EPHB2: variants seen among roughly 807,000 people sequenced by gnomAD.
The protein encoded by EPHB2 is ephrin type-B receptor 2.
EPHB2 carries 18 observed loss-of-function variants against 96.4 expected under a neutral mutation model. The ratio of observed to expected loss-of-function variants is 0.19; its 90% CI spans 0.13 to 0.28. EPHB2 has a LOEUF of 0.28. EPHB2 is among the 10% of genes least tolerant of loss of function. The pLI is 1.00. For synonymous variants in EPHB2, 506 were observed against 534.1 expected, an observed-to-expected ratio of 0.95 and a Z score of 0.72; for missense variants, 989 against 1,355.4, an observed-to-expected ratio of 0.73 and a Z score of 4.25.
At chr1:22,778,608 G>T (rs931227079) in intron 1 of EPHB2, among the ~76,000 whole-genome samples, 1 of 152,182 alleles carries the variant, frequency 6.6e-6, no homozygotes, top group African/African-American at 2.4e-5. Context: ...AGGAGATGCC[G>T]GCCCTCTACC....
At chr1:22,885,685 AT>A (rs1285829443) in intron 6 of EPHB2, among the ~76,000 whole-genome samples, 2 of 152,062 alleles carry the variant, frequency 1.3e-5, no homozygotes, top group Admixed American at 6.5e-5. Flanking sequence ...TGCCTCCCAG[AT>A]TTTTTTCCCC....
Position 22,893,042 on chromosome 1 carries a change from A to G in EPHB2, c.1587A>G (p.Thr529=). The G allele has an allele frequency of 6.2e-7, 1 of 1,614,234 alleles. No homozygotes were observed. The highest frequency in any genetic ancestry group is 8.5e-7 in the Non-Finnish European group (1 of 1,180,048). The change falls in exon 7 of 16, where the codon ACA becomes ACG. Residue 529 remains threonine (T), a synonymous_variant. Transcript: ENST00000374630. Reference sequence around the variant, plus strand: ...GCAAGATGTACTTCCAGACCATGACAGAAGGTGAGCAGAGTCCAGCGGGCA... The same window carrying G: ...GCAAGATGTACTTCCAGACCATGACGGAAGGTGAGCAGAGTCCAGCGGGCA... ...YSGKMYFQTM[T]EAEYQTSIQE...
chr1:22,822,922 G>C (rs1008624796), intron 3 of EPHB2, among the ~76,000 whole-genome samples: 6 of 152,242 alleles, frequency 3.9e-5, no homozygotes, highest in African/African-American at 1.4e-4. Context: ...CCTCTGCGTG[G>C]CAGAGAACAG....
intron 1 of EPHB2, among the ~76,000 whole-genome samples, chr1:22,726,975 G>C (rs553971056): frequency 6.6e-6 from 1 of 152,200 alleles, no homozygotes; most frequent in Non-Finnish European, 1.5e-5. Flanking sequence ...AGGCTGGAAA[G>C]GGGTAGGTTT....
chr1:22,793,662 G>A (rs1644727997), intron 3 of EPHB2, among the ~76,000 whole-genome samples: 1 of 152,112 alleles, frequency 6.6e-6, no homozygotes, highest in Non-Finnish European at 1.5e-5. Context: ...CAGGCTGAGG[G>A]TAGTCCTGAG....
chr1:22,894,596 CCAA>C (rs1639496560), intron 7 of EPHB2, among the ~76,000 whole-genome samples: 1 of 144,950 alleles, frequency 6.9e-6, no homozygotes, highest in African/African-American at 2.7e-5. Flanking sequence ...AACTCCCACT[CCAA>C]AAAAAAAAAA....
At chr1:22,905,028 G>C (rs1639864693) in intron 9 of EPHB2, among the ~76,000 whole-genome samples, 1 of 152,206 alleles carries the variant, frequency 6.6e-6, no homozygotes, top group Non-Finnish European at 1.5e-5. Context: ...GGAAAGCCTG[G>C]GCTCAGGGAG....
At chr1:22,744,320 G>GA (rs1292487140) in intron 1 of EPHB2, among the ~76,000 whole-genome samples, 1 of 151,846 alleles carries the variant, frequency 6.6e-6, no homozygotes, top group African/African-American at 2.4e-5. Flanking sequence ...TCACACTGTT[G>GA]AAAATCCACA....
intron 5 of EPHB2, among the ~76,000 whole-genome samples, chr1:22,874,165 C>T (rs1638764635): frequency 6.6e-6 from 1 of 152,230 alleles, no homozygotes; most frequent in South Asian, 2.1e-4. Context: ...GCAGCCCAGA[C>T]AGCTGCATTT....
intron 3 of EPHB2, among the ~76,000 whole-genome samples, chr1:22,806,170 A>C (rs1184661350): frequency 6.6e-6 from 1 of 152,234 alleles, no homozygotes; most frequent in Non-Finnish European, 1.5e-5. Context: ...AATGAATAAT[A>C]GCCATTGATG....
chr1:22,716,079 C>T (rs970010210), intron 1 of EPHB2, among the ~76,000 whole-genome samples: 4 of 152,328 alleles, frequency 2.6e-5, no homozygotes, highest in East Asian at 3.9e-4. Context: ...CCCCCAGACT[C>T]GGGATGGTAA....
At chr1:22,719,052 A>G (rs1028452178) in intron 1 of EPHB2, among the ~76,000 whole-genome samples, 1 of 152,240 alleles carries the variant, frequency 6.6e-6, no homozygotes, top group African/African-American at 2.4e-5. Flanking sequence ...ATAAAAATGC[A>G]ATCTCTGTGA....
rs1213726583 is a variant in EPHB2, at chr1:22,918,067, G to A, written c.*4497G>A. The A allele has an allele frequency of 6.6e-6, 1 of 152,216 alleles. No individual in the cohort carries two copies. The highest frequency in any genetic ancestry group is 1.5e-5 in the Non-Finnish European group (1 of 68,112). The allele number at this position is 152,216 out of a possible 1,614,324, so 9.4% of individuals were successfully genotyped here. A position where few individuals can be genotyped will look rare whatever the true frequency, so the allele number is the denominator to read the frequency against. ...GCCACAGCAGGTTCTTGAGCAGGAG[G>A]GTAGCATAGTGAGCATCAGGTTCTA... On this transcript the variant is annotated 3_prime_UTR_variant, in exon 16 of 16. Transcript: ENST00000374630. The surrounding 1 kb of genome is among the most constrained non-coding windows in gnomAD (Gnocchi z 4.2).
chr1:22,829,683 T>C lies in EPHB2; in HGVS notation c.812-33354T>C, dbSNP rs142357421. Among the ~76,000 whole-genome samples, 492 of 152,092 alleles carry C rather than the reference T, an allele frequency of 3.2e-3. 2 individuals carry two copies. Among genetic ancestry groups the C allele is most frequent in the Admixed American group, 5.7e-3 (87 of 15,290 alleles). On this transcript the variant is annotated intron_variant, in intron 3 of 15. Coordinates refer to ENST00000374630, the MANE Select transcript of EPHB2 (RefSeq NM_017449.5). The stretch of plus-strand genomic sequence containing the variant: ...CTAAGGAATGGAATGGTAGGGCCAT[T>C]TGGGGACACAGAGGAAGTGCTGTGG...
In EPHB2 at chr1:22,893,037, A is replaced by G. The variant is rs1374313440; in HGVS notation, c.1582A>G (p.Met528Val). The change falls in exon 7 of 16, where the codon ATG becomes GTG. Residue 528 changes from methionine (M) to valine (V), a missense_variant. Physicochemically the swap from Met to Val is conservative, Grantham distance 21 (BLOSUM62 1). Transcript: ENST00000374630. ...RYSGKMYFQT[M>V]TEAEYQTSIQ... ...CAGCGGCAAGATGTACTTCCAGACCATGACAGAAGGTGAGCAGAGTCCAGC... is the reference window on the plus strand; with the variant it reads ...CAGCGGCAAGATGTACTTCCAGACCGTGACAGAAGGTGAGCAGAGTCCAGC... 20 of 1,614,226 alleles carry G rather than the reference A, an allele frequency of 1.2e-5. No homozygotes were observed. Among genetic ancestry groups the G allele is most frequent in the Non-Finnish European group, 1.7e-5 (20 of 1,180,036 alleles).
At position 22,781,606 on chromosome 1, in the gene EPHB2, C is replaced by T. The variant is rs541553354; in HGVS notation, c.126+121C>T. ...CCCTCTTCAGGACCCAGAGCCAGGCCTCTCTCAGCCCCACCCTCCCAATCC... is the reference window on the plus strand; with the variant it reads ...CCCTCTTCAGGACCCAGAGCCAGGCTTCTCTCAGCCCCACCCTCCCAATCC... On this transcript the variant is annotated intron_variant, in intron 2 of 15. Coordinates refer to ENST00000374630, the MANE Select transcript of EPHB2 (RefSeq NM_017449.5). 1,484 of 915,484 alleles carry T rather than the reference C, an allele frequency of 1.6e-3. 3 individuals are homozygous for T. The highest frequency in any genetic ancestry group is 3.9e-3 in the Admixed American group (192 of 49,820). 56.7% of individuals were successfully genotyped at this position (915,484 alleles called of 1,614,324 possible).
rs1240843532 is a variant in EPHB2 at position 22,916,084 on chromosome 1, A to C, written c.*2514A>C. The C allele has an allele frequency of 6.6e-6, 1 of 152,282 alleles. No homozygotes were observed. The highest frequency in any genetic ancestry group is 1.5e-5 in the Non-Finnish European group (1 of 68,076). The allele number at this position is 152,282 out of a possible 1,614,324, so 9.4% of individuals were successfully genotyped here. A position where few individuals can be genotyped will look rare whatever the true frequency, so the allele number is the denominator to read the frequency against. On this transcript the variant is annotated 3_prime_UTR_variant, in exon 16 of 16. Coordinates refer to ENST00000374630, the MANE Select transcript of EPHB2 (RefSeq NM_017449.5). This position sits in a 1 kb window ranked among gnomAD's most constrained non-coding sequence, Gnocchi z 4.2. ...GGGAAAGCATTGGCAGGTTTCCCACAAACTGGCCGGCAGTGGCCCACTGGC... is the reference window on the plus strand; with the variant it reads ...GGGAAAGCATTGGCAGGTTTCCCACCAACTGGCCGGCAGTGGCCCACTGGC...
chr1:22,905,322 G>A (rs750341902), intron 9 of EPHB2, among the ~76,000 whole-genome samples: 1 of 152,164 alleles, frequency 6.6e-6, no homozygotes, highest in Non-Finnish European at 1.5e-5. Context: ...CAGAAAATCA[G>A]GGATCCAGAA....
chr1:22,806,814 G>A (rs918638818), intron 3 of EPHB2, among the ~76,000 whole-genome samples: 8 of 152,252 alleles, frequency 5.3e-5, no homozygotes, highest in Non-Finnish European at 7.3e-5. Context: ...AAGACAATTA[G>A]TGCTTTCAGC....
Sources: gnomAD v4.1 joint callset for allele counts (sites outside exome capture counted in the v4.1 genomes callset) on GRCh38, gnomAD v4.1.1 for gene constraint, Gnocchi (gnomAD v3.1) non-coding constraint, MANE v1.5 for transcripts, NCBI Gene and HGNC (gene_info 2026-07-23, HGNC 2026-07-21) for gene names.